The following LRP12 variants were observed in gnomAD, a reference collection of about 807,000 sequenced individuals.
LRP12 encodes LDL receptor related protein 12, also known as low-density lipoprotein receptor-related protein 12.
A neutral mutation model predicts 66.0 loss-of-function variants in LRP12; 14 were observed. The ratio of observed to expected loss-of-function variants is 0.21; its 90% CI spans 0.14 to 0.33. The LOEUF (loss-of-function observed/expected upper bound fraction) is 0.33. LRP12 is among the 10% of genes least tolerant of loss of function. The pLI is 1.00. For synonymous variants in LRP12, 357 were observed against 359.1 expected, an observed-to-expected ratio of 0.99 and a Z score of 0.07; for missense variants, 889 against 1,053.4, an observed-to-expected ratio of 0.84 and a Z score of 2.16.
intron 1 of LRP12, among the ~76,000 whole-genome samples, chr8:104,571,682 T>C (rs1812082521): frequency 6.6e-6 from 1 of 152,212 alleles, no homozygotes; most frequent in Admixed American, 6.5e-5. Context: ...TCTCAGGCAG[T>C]TCTTTACAGC....
intron 3 of LRP12, among the ~76,000 whole-genome samples, chr8:104,503,865 T>C (rs1014040627): frequency 2.6e-5 from 4 of 152,210 alleles, no homozygotes; most frequent in Admixed American, 2.6e-4. Context: ...AATTCTACTA[T>C]AACCAGTAAA....
chr8:104,492,873 C>T (rs538709431), intron 6 of LRP12, among the ~76,000 whole-genome samples: 11 of 151,852 alleles, frequency 7.2e-5, no homozygotes, highest in Non-Finnish European at 1.0e-4. Flanking sequence ...AAAGAAAAAG[C>T]GGTTCACATT....
intron 1 of LRP12, among the ~76,000 whole-genome samples, chr8:104,587,370 C>T (rs1329594182): frequency 6.6e-6 from 1 of 152,066 alleles, no homozygotes; most frequent in East Asian, 1.9e-4. Flanking sequence ...AGACCCAAAC[C>T]CACAAGTCAT....
At chr8:104,530,168 A>T (rs1811304027) in intron 2 of LRP12, among the ~76,000 whole-genome samples, 1 of 152,314 alleles carries the variant, frequency 6.6e-6, no homozygotes, top group South Asian at 2.1e-4. Flanking sequence ...GAGTTTTAAA[A>T]CAAATTCTCA....
intron 1 of LRP12, among the ~76,000 whole-genome samples, chr8:104,538,557 C>T (rs935547354): frequency 6.6e-6 from 1 of 152,078 alleles, no homozygotes; most frequent in African/African-American, 2.4e-5. Context: ...CAACATTTTG[C>T]ATTCTTGAAT....
chr8:104,565,260 T>G (rs954438506), intron 1 of LRP12, among the ~76,000 whole-genome samples: 6 of 152,262 alleles, frequency 3.9e-5, no homozygotes, highest in Admixed American at 3.9e-4. Context: ...AATATCGATA[T>G]GCTCAGATAA....
At chr8:104,517,889 A>G (rs1368358316) in intron 2 of LRP12, among the ~76,000 whole-genome samples, 1 of 152,124 alleles carries the variant, frequency 6.6e-6, no homozygotes, top group Non-Finnish European at 1.5e-5. Flanking sequence ...GAATGGCCAT[A>G]TGGGATGACA....
intron 1 of LRP12, among the ~76,000 whole-genome samples, chr8:104,554,458 G>C (rs1200028251): frequency 6.6e-6 from 1 of 151,672 alleles, no homozygotes; most frequent in Non-Finnish European, 1.5e-5. Context: ...GGAGATGAAG[G>C]GCACACTTAG....
intron 1 of LRP12, among the ~76,000 whole-genome samples, chr8:104,568,067 T>C (rs1487898834): frequency 6.6e-6 from 1 of 152,134 alleles, no homozygotes; most frequent in Non-Finnish European, 1.5e-5. Flanking sequence ...GGTACTAGCA[T>C]AGGGATAGAC....
Position 104,588,975 on chromosome 8 carries a change from G to GCCGCCGCCA in LRP12, c.-79_-78insTGGCGGCGG. On this transcript the variant is annotated 5_prime_UTR_variant, in exon 1 of 7. Coordinates refer to ENST00000276654, the MANE Select transcript of LRP12 (RefSeq NM_013437.5). Reference sequence around the variant, plus strand: ...GCTGGAGGTAGACGACGCCGACGCCGCCGCCGCCGCCGCCGCCGCCGCCGA... The same window carrying GCCGCCGCCA: ...GCTGGAGGTAGACGACGCCGACGCCGCCGCCGCCACCGCCGCCGCCGCCGCCGCCGCCGA... The GCCGCCGCCA allele has an allele frequency of 1.5e-6, 1 of 658,306 alleles. No individual in the cohort carries two copies. Among genetic ancestry groups the GCCGCCGCCA allele is most frequent in the Non-Finnish European group, 2.4e-6 (1 of 423,516 alleles). 40.8% of individuals were successfully genotyped at this position (658,306 alleles called of 1,614,324 possible). A position where few individuals can be genotyped will look rare whatever the true frequency, so the allele number is the denominator to read the frequency against.
chr8:104,565,753 C>T (rs1407694323), intron 1 of LRP12, among the ~76,000 whole-genome samples: 15 of 150,520 alleles, frequency 1.0e-4, no homozygotes, highest in Non-Finnish European at 1.6e-4. Flanking sequence ...CCCAGCTACT[C>T]GGGAGGCTGA....
rs202126763 is a variant in LRP12 at position 104,490,661 on chromosome 8, T to C, written c.*12A>G. The C allele has an allele frequency of 5.4e-4, 858 of 1,594,754 alleles. 1 individual carries two copies. Among genetic ancestry groups the C allele is most frequent in the Admixed American group, 9.0e-4 (51 of 56,972 alleles). On this transcript the variant is annotated 3_prime_UTR_variant, in exon 7 of 7. Coordinates refer to ENST00000276654, the MANE Select transcript of LRP12 (RefSeq NM_013437.5). ...TCCAACTTGTATACAATCTCCCTTA[T>C]GTGATTCGTACCTAACAAAGTAACA...
chr8:104,586,587 A>G (rs1812336821), intron 1 of LRP12, among the ~76,000 whole-genome samples: 1 of 152,224 alleles, frequency 6.6e-6, no homozygotes, highest in South Asian at 2.1e-4. Context: ...GCTATTTCTC[A>G]GGATGCATCC....
At chr8:104,558,977 G>A (rs959413252) in intron 1 of LRP12, among the ~76,000 whole-genome samples, 3 of 152,116 alleles carry the variant, frequency 2.0e-5, no homozygotes, top group Non-Finnish European at 4.4e-5. Flanking sequence ...CATGGAATGT[G>A]GTGAACAGGG....
At position 104,589,017 on chromosome 8, in the gene LRP12, T is replaced by G; in HGVS notation, c.-120A>C. 1 of 534,768 alleles carries G rather than the reference T, an allele frequency of 1.9e-6. No homozygotes were observed. Among genetic ancestry groups the G allele is most frequent in the Non-Finnish European group, 2.9e-6 (1 of 339,428 alleles). 33.1% of individuals were successfully genotyped at this position (534,768 alleles called of 1,614,324 possible). A position where few individuals can be genotyped will look rare whatever the true frequency, so the allele number is the denominator to read the frequency against. ...CGCCGCCGAGCCACCGGCTGCTCCC[T>G]GCGCTCTCCGCGGCTGCGGGAGGGG... On this transcript the variant is annotated 5_prime_UTR_variant, in exon 1 of 7. Transcript: ENST00000276654.
chr8:104,500,197 G>A (rs1810804035), intron 3 of LRP12, among the ~76,000 whole-genome samples: 1 of 152,088 alleles, frequency 6.6e-6, no homozygotes. Flanking sequence ...TGAAAAAAGA[G>A]AAACCAAAAT....
Position 104,531,910 on chromosome 8 carries a change from T to C in LRP12, c.133A>G (p.Thr45Ala). The C allele has an allele frequency of 1.3e-6, 2 of 1,587,842 alleles. No individual in the cohort carries two copies. Among genetic ancestry groups the C allele is most frequent in the Non-Finnish European group, 1.7e-6 (2 of 1,167,452 alleles). ...SENVHISGVS[T>A]ACGETPEQIR... ...AACATTACAAAAAATGACTTACCAG[T>C]TGACACTCCTGAAATATGCACATTT... Residue 45 changes from threonine (T) to alanine (A), a missense_variant, in exon 2 of 7, where the codon ACT (threonine) becomes GCT (alanine). Physicochemically the swap from Thr to Ala is moderately conservative, Grantham distance 58. Around this residue, in one of 3 missense-constraint regions of LRP12, gnomAD observed 88 missense variants for 72.5 expected, o/e 1.21. Coordinates refer to ENST00000276654, the MANE Select transcript of LRP12 (RefSeq NM_013437.5).
intron 1 of LRP12, among the ~76,000 whole-genome samples, chr8:104,544,518 A>G (rs1025674545): frequency 6.6e-6 from 1 of 152,182 alleles, no homozygotes; most frequent in African/African-American, 2.4e-5. Context: ...TCAAAGCTTC[A>G]AAGGACAAGC....
chr8:104,526,491 T>A (rs1811241161), intron 2 of LRP12, among the ~76,000 whole-genome samples: 2 of 150,076 alleles, frequency 1.3e-5, no homozygotes, highest in South Asian at 4.2e-4. Context: ...GAGATATAGA[T>A]CAATGGAACA....
Sources: gnomAD v4.1 joint callset for allele counts (sites outside exome capture counted in the v4.1 genomes callset) on GRCh38, gnomAD v4.1.1 for gene constraint, gnomAD v4.1.1 regional missense constraint, MANE v1.5 for transcripts, NCBI Gene and HGNC (gene_info 2026-07-23, HGNC 2026-07-21) for gene names.